Variants in MAGI2 observed in about 807,000 individuals in gnomAD.
MAGI2 encodes the protein membrane-associated guanylate kinase, WW and PDZ domain-containing protein 2.
In MAGI2, 35 loss-of-function variants were observed where a neutral mutation model predicts 133.3. That is an observed-to-expected ratio of 0.26 (90% CI 0.20 to 0.35). The LOEUF is 0.35. Among genes scored for constraint, MAGI2 ranks in the 10% least tolerant of loss-of-function variants. MAGI2 has a pLI of 1.00. For synonymous variants in MAGI2, 729 were observed against 710.6 expected, an observed-to-expected ratio of 1.03 and a Z score of -0.41; for missense variants, 1,636 against 1,863.4, an observed-to-expected ratio of 0.88 and a Z score of 2.25.
chr7:79,111,754 C>A (rs565189626), intron 1 of MAGI2, among the ~76,000 whole-genome samples: 3 of 152,026 alleles, frequency 2.0e-5, no homozygotes, highest in Non-Finnish European at 4.4e-5. Flanking sequence ...GCAAGCTCCG[C>A]CTCCCAGGTT....
chr7:78,300,707 C>G (rs1316910050), intron 9 of MAGI2, among the ~76,000 whole-genome samples: 1 of 152,164 alleles, frequency 6.6e-6, no homozygotes, highest in Admixed American at 6.5e-5. Context: ...AACTGATTCC[C>G]CAGGGAACAT....
intron 2 of MAGI2, among the ~76,000 whole-genome samples, chr7:78,967,105 C>CA (rs1803383977): frequency 6.6e-6 from 1 of 150,966 alleles, no homozygotes; most frequent in African/African-American, 2.4e-5. Flanking sequence ...GCTGGTCTAA[C>CA]TTTTTTTTTA....
intron 3 of MAGI2, among the ~76,000 whole-genome samples, chr7:78,594,191 T>C (rs1369358117): frequency 1.3e-5 from 2 of 152,216 alleles, no homozygotes; most frequent in Non-Finnish European, 2.9e-5. Context: ...CGGAACTATA[T>C]AGCTTTGGCA....
intron 2 of MAGI2, among the ~76,000 whole-genome samples, chr7:78,953,747 C>T (rs890003574): frequency 6.6e-6 from 1 of 152,084 alleles, no homozygotes; most frequent in African/African-American, 2.4e-5. Flanking sequence ...GAGTTGAGAT[C>T]GCCGATCATT....
chr7:78,759,219 A>T (rs914711638), intron 2 of MAGI2, among the ~76,000 whole-genome samples: 1 of 144,902 alleles, frequency 6.9e-6, no homozygotes, highest in South Asian at 2.1e-4. Context: ...CAGAAATAAT[A>T]AAAAAAAACT....
chr7:78,278,350 G>A (rs1320029025), intron 9 of MAGI2, among the ~76,000 whole-genome samples: 1 of 152,150 alleles, frequency 6.6e-6, no homozygotes, highest in Non-Finnish European at 1.5e-5. Flanking sequence ...TACTAATTCA[G>A]ATAAGCAAAA....
intron 21 of MAGI2, among the ~76,000 whole-genome samples, chr7:78,044,678 C>CGTGT (rs58076536): frequency 0.068 from 8,572 of 126,366 alleles, 294 homozygotes; most frequent in Non-Finnish European, 0.08. Context: ...GCTAATGTAC[C>CGTGT]GTGTGTGTGT....
chr7:78,232,654 C>G, intron 10 of MAGI2, among the ~76,000 whole-genome samples: 1 of 152,054 alleles, frequency 6.6e-6, no homozygotes, highest in Non-Finnish European at 1.5e-5. Flanking sequence ...AAAATGGTAA[C>G]CCCAATGTTA....
intron 3 of MAGI2, among the ~76,000 whole-genome samples, chr7:78,619,500 A>G (rs1807484638): frequency 6.6e-6 from 1 of 152,064 alleles, no homozygotes; most frequent in East Asian, 1.9e-4. Flanking sequence ...TTAGTCTTTA[A>G]GTTAATAATT....
intron 2 of MAGI2, among the ~76,000 whole-genome samples, chr7:78,957,745 G>T (rs1802510883): frequency 6.6e-6 from 1 of 152,064 alleles, no homozygotes; most frequent in African/African-American, 2.4e-5. Context: ...CAATGGTATG[G>T]TCAGAATTCA....
intron 1 of MAGI2, among the ~76,000 whole-genome samples, chr7:79,274,299 GT>G (rs1474502810): frequency 6.6e-6 from 1 of 152,074 alleles, no homozygotes; most frequent in African/African-American, 2.4e-5. Flanking sequence ...TACCTTCAGA[GT>G]TTCTGATTCT....
At chr7:79,096,267 C>T (rs1004771077) in intron 1 of MAGI2, among the ~76,000 whole-genome samples, 1 of 152,234 alleles carries the variant, frequency 6.6e-6, no homozygotes, top group East Asian at 1.9e-4. Flanking sequence ...CCCCAGTGCC[C>T]TCCCAGTAAG....
At chr7:78,950,444 A>C (rs1276620296) in intron 2 of MAGI2, among the ~76,000 whole-genome samples, 3 of 152,214 alleles carry the variant, frequency 2.0e-5, no homozygotes. Flanking sequence ...ATGTTCTTTG[A>C]AAACTCTCAG....
intron 1 of MAGI2, among the ~76,000 whole-genome samples, chr7:79,430,196 T>C (rs1431139109): frequency 1.3e-5 from 2 of 152,174 alleles, no homozygotes; most frequent in African/African-American, 4.8e-5. Flanking sequence ...AAAATCTATG[T>C]CAACAACTCA....
intron 16 of MAGI2, among the ~76,000 whole-genome samples, chr7:78,135,507 ACTGT>A (rs774786317): frequency 7.2e-5 from 11 of 152,160 alleles, no homozygotes; most frequent in Non-Finnish European, 1.3e-4. Context: ...CTTACTGGGG[ACTGT>A]CTGAGTTAGA....
chr7:78,372,554 C>A (rs1794028059), intron 6 of MAGI2, among the ~76,000 whole-genome samples: 1 of 152,048 alleles, frequency 6.6e-6, no homozygotes, highest in Non-Finnish European at 1.5e-5. Flanking sequence ...ATACATGATG[C>A]AACAGGAAAA....
chr7:78,578,301 A>G (rs372191738), intron 3 of MAGI2, among the ~76,000 whole-genome samples: 3 of 152,054 alleles, frequency 2.0e-5, no homozygotes, highest in Admixed American at 6.5e-5. Flanking sequence ...AGAGAGAGCT[A>G]TGAAGATGAA....
At chr7:78,034,936 T>C (rs1451535441) in intron 21 of MAGI2, 1 of 152,330 alleles carries the variant, frequency 6.6e-6, no homozygotes, top group Non-Finnish European at 1.5e-5. Context: ...CATTCACCTG[T>C]TCAAGTTCTG....
chr7:79,210,540 CATCTT>C (rs1008006228), intron 1 of MAGI2, among the ~76,000 whole-genome samples: 1 of 151,952 alleles, frequency 6.6e-6, no homozygotes, highest in Admixed American at 6.6e-5. Flanking sequence ...AGTTGAATAA[CATCTT>C]AACTTAATGG....
Sources: allele counts gnomAD v4.1 joint callset (sites outside exome capture counted in the v4.1 genomes callset), GRCh38; gene constraint gnomAD v4.1.1; transcripts MANE v1.5; gene names NCBI Gene and HGNC (gene_info 2026-07-23, HGNC 2026-07-21).